GOLGA8T: variants seen among roughly 807,000 people sequenced by gnomAD.
GOLGA8T encodes golgin subfamily A member 8T.
A neutral mutation model predicts 52.0 loss-of-function variants in GOLGA8T; 17 were observed. The observed-to-expected ratio is 0.33, with a 90% CI of 0.22 to 0.49. The LOEUF (loss-of-function observed/expected upper bound fraction) is 0.49, where lower values mean the gene tolerates loss of function less well. GOLGA8T is among the 20% of genes least tolerant of loss of function. The pLI is 0.99. For missense variants in GOLGA8T, 154 were observed against 462.1 expected, an observed-to-expected ratio of 0.33 and a Z score of 6.11; for synonymous variants, 67 against 169.5, an observed-to-expected ratio of 0.40 and a Z score of 4.70.
In GOLGA8T at chr15:30,140,825, C is replaced by A. The variant is rs8030420; in HGVS notation, c.592-17C>A. ...CCAGGCTCTCCAGATTGAAACTTCTCACTCTTCACCATCCAGTTGTCCAGC... is the reference window on the plus strand; with the variant it reads ...CCAGGCTCTCCAGATTGAAACTTCTAACTCTTCACCATCCAGTTGTCCAGC... On this transcript the variant is annotated splice_polypyrimidine_tract_variant and intron_variant, in intron 8 of 18. Transcript: ENST00000569052. 6,873 of 1,519,068 alleles carry A rather than the reference C, an allele frequency of 4.5e-3. 319 individuals are homozygous for A. The African/African-American group carries it at 0.079, about 17-fold the overall frequency. The allele number at this position is 1,519,068 out of a possible 1,614,324, so 94.1% of individuals were successfully genotyped here.
At chr15:30,141,588 T>A (rs1430960661) in intron 11 of GOLGA8T, among the ~76,000 whole-genome samples, 163 bp downstream of exon 11, 1 of 124,460 alleles carries the variant, frequency 8.0e-6, no homozygotes, top group East Asian at 2.2e-4. Flanking sequence ...TGAGTCTCAG[T>A]GTCTCAGTGT....
chr15:30,140,771 C>A (rs1274568314), intron 8 of GOLGA8T, 71 bp from the exon 9 acceptor site: 1 of 1,182,540 alleles, frequency 8.5e-7, no homozygotes, highest in East Asian at 2.4e-5. Context: ...CTAGCCCTAG[C>A]CCTTTTAAGG....
chr15:30,136,821 G>C, intron 1 of GOLGA8T, 45 bp from the exon 2 acceptor site: 1 of 1,238,232 alleles, frequency 8.1e-7, no homozygotes, highest in South Asian at 1.5e-5. Context: ...TGTGGCTGTA[G>C]GGGCTGACGG....
chr15:30,137,016 CA>C (rs2057698708), intron 2 of GOLGA8T, 31 bp downstream of exon 2: 1 of 1,128,438 alleles, frequency 8.9e-7, no homozygotes, highest in African/African-American at 1.6e-5. Flanking sequence ...CTTCTGGGGA[CA>C]GGGGGCCCAA....
rs1257617876 is a variant in GOLGA8T, at chr15:30,148,677, G to T, written c.*3110G>T. Among the ~76,000 whole-genome samples the T allele has an allele frequency of 8.2e-5, 12 of 146,044 alleles. 1 individual carries two copies. Among genetic ancestry groups the T allele is most frequent in the African/African-American group, 3.2e-4 (12 of 37,784 alleles). On this transcript the variant is annotated 3_prime_UTR_variant, in exon 19 of 19. Transcript: ENST00000569052. ...AGAATGTGTCATGGAAATACTGAAA[G>T]ATTTTTCCCTAGAGTGGCCTTATTG...
Position 30,141,392 on chromosome 15 carries a change from G to C in GOLGA8T, c.841G>C (p.Glu281Gln). 6.5e-7 allele frequency: 1 copy of C among 1,541,938 alleles called. No individual in the cohort carries two copies. The highest frequency in any genetic ancestry group is 8.6e-7 in the Non-Finnish European group (1 of 1,157,838). ...QQDMRRVEEL[E>Q]RSLSKLKNQM... ...AGATATGCGTCGGGTAGAGGAGCTG[G>C]AGAGGAGCTTGTCCAAACTCAAAAA... is the stretch of plus-strand genomic sequence containing the variant. The change falls in exon 11 of 19, where the codon GAG becomes CAG. Residue 281 changes from glutamate (E) to glutamine (Q), a missense_variant. Physicochemically the swap from Glu to Gln is conservative, Grantham distance 29 (BLOSUM62 2). Around this residue, in one of 6 missense-constraint regions of GOLGA8T, gnomAD observed 56 missense variants for 134.2 expected, o/e 0.42. Coordinates refer to ENST00000569052, the MANE Select transcript of GOLGA8T (RefSeq NM_001355469.2).
At position 30,142,459 on chromosome 15, in the gene GOLGA8T, G is replaced by C. The variant is rs1197601750; in HGVS notation, c.1200+77G>C. 1.2e-4 allele frequency: 187 copies of C among 1,572,404 alleles called. 21 individuals carry two copies. Among genetic ancestry groups the C allele is most frequent in the Admixed American group, 9.0e-4 (51 of 56,432 alleles). ...AGCAGACTCTGGGGAGGGGAGGTAC[G>C]AGGCCAGAGGCAGCTTCCAGCCTGG... On this transcript the variant is annotated intron_variant, in intron 13 of 18. Coordinates refer to ENST00000569052, the MANE Select transcript of GOLGA8T (RefSeq NM_001355469.2).
In GOLGA8T at chr15:30,141,864, A is replaced by C; in HGVS notation, c.937A>C (p.Lys313Gln). 3.7e-6 allele frequency: 2 copies of C among 535,078 alleles called. No individual in the cohort carries two copies. The highest frequency in any genetic ancestry group is 6.1e-6 in the Non-Finnish European group (2 of 325,528). 33.1% of individuals were successfully genotyped at this position (535,078 alleles called of 1,614,324 possible). A position where few individuals can be genotyped will look rare whatever the true frequency, so the allele number is the denominator to read the frequency against. The change falls in exon 12 of 19, where the codon AAG (lysine) becomes CAG (glutamine). Residue 313 changes from lysine (K) to glutamine (Q), a missense_variant. By Grantham distance (53) the Lys-to-Gln change is moderately conservative (BLOSUM62 1). Transcript: ENST00000569052. ...TGAGGTGGAGCTGCAGCACCTGAGG[A>C]AGGAACTAGAGAGAGTGGCAGGAGA... ...PSEVELQHLR[K>Q]ELERVAGELQ...
In GOLGA8T at chr15:30,141,301, C is replaced by G. The variant is rs764070085; in HGVS notation, c.787-37C>G. On this transcript the variant is annotated intron_variant, in intron 10 of 18. Transcript: ENST00000569052. ...GGGCAGCCTGTCCAGCCACCAGCCC[C>G]TCTCTCCAAGGCCCTTTCCCCTTGT... is the stretch of plus-strand genomic sequence containing the variant. 6 of 1,551,980 alleles carry G rather than the reference C, an allele frequency of 3.9e-6. 1 individual carries two copies. Among genetic ancestry groups the G allele is most frequent in the Middle Eastern group, 1.9e-4 (1 of 5,332 alleles).
chr15:30,142,505 C>G (rs968730969), intron 13 of GOLGA8T, 123 bp downstream of exon 13: 20 of 1,512,312 alleles, frequency 1.3e-5, no homozygotes, highest in South Asian at 1.1e-4. Context: ...CCACAGCACC[C>G]CCCAGGGCAG....
Position 30,148,653 on chromosome 15 carries a change from G to C in GOLGA8T, c.*3086G>C, listed in dbSNP as rs2057847835. On this transcript the variant is annotated 3_prime_UTR_variant, in exon 19 of 19. Transcript: ENST00000569052. ...ACCAGTTTATGAATTATTGTAAACAGAATGTGTCATGGAAATACTGAAAGA... is the reference window on the plus strand; with the variant it reads ...ACCAGTTTATGAATTATTGTAAACACAATGTGTCATGGAAATACTGAAAGA... Among the ~76,000 whole-genome samples the C allele has an allele frequency of 6.9e-6, 1 of 145,174 alleles. No homozygotes were observed. Among genetic ancestry groups the C allele is most frequent in the Non-Finnish European group, 1.5e-5 (1 of 67,058 alleles).
At position 30,145,490 on chromosome 15, in the gene GOLGA8T, C is replaced by G. The variant is rs201978730; in HGVS notation, c.1819C>G (p.Gln607Glu). 0.13 allele frequency: 189,714 copies of G among 1,488,526 alleles called. 8,206 individuals are homozygous for G. The highest frequency in any genetic ancestry group is 0.14 in the Non-Finnish European group (154,422 of 1,105,812). The allele number at this position is 1,488,526 out of a possible 1,614,324, so 92.2% of individuals were successfully genotyped here. A position where few individuals can be genotyped will look rare whatever the true frequency, so the allele number is the denominator to read the frequency against. The change falls in exon 19 of 19, where the codon CAG (glutamine) becomes GAG (glutamate). Residue 607 changes from glutamine (Q) to glutamate (E), a missense_variant. Around this residue, in one of 6 missense-constraint regions of GOLGA8T, gnomAD observed 22 missense variants for 181.2 expected, o/e 0.12. Coordinates refer to ENST00000569052, the MANE Select transcript of GOLGA8T (RefSeq NM_001355469.2). ...PTAQPIVQDH[Q>E]EHPGLGSNCC... ...TGCACAGCCGATCGTGCAGGACCAC[C>G]AGGAGCACCCAGGCTTGGGCAGCAA... is the stretch of plus-strand genomic sequence containing the variant.
chr15:30,136,571 C>A (rs1194040892), intron 1 of GOLGA8T, among the ~76,000 whole-genome samples: 3 of 148,390 alleles, frequency 2.0e-5, no homozygotes, highest in African/African-American at 7.5e-5. Flanking sequence ...TTAATGTTTA[C>A]TTTTCTACCT....
At chr15:30,142,451 G>T (rs1256086575) in intron 13 of GOLGA8T, 69 bp downstream of exon 13, 1 of 1,578,192 alleles carries the variant, frequency 6.3e-7, no homozygotes, top group Non-Finnish European at 8.5e-7. Flanking sequence ...TCTGGGGAGG[G>T]GAGGTACGAG....
intron 13 of GOLGA8T, among the ~76,000 whole-genome samples, chr15:30,142,770 C>T (rs1357111708): frequency 3.8e-5 from 4 of 104,176 alleles, no homozygotes; most frequent in Non-Finnish European, 7.0e-5. Context: ...AACCTCATCT[C>T]TACTAAAATT....
chr15:30,141,441 C>T lies in GOLGA8T; in HGVS notation c.874+16C>T. ...AACCAGATGGGTAAGATGGGGCTGG[C>T]ATGACCTAGGAGCAGGACTGGCATC... On this transcript the variant is annotated intron_variant, in intron 11 of 18. Coordinates refer to ENST00000569052, the MANE Select transcript of GOLGA8T (RefSeq NM_001355469.2). 2 of 1,522,868 alleles carry T rather than the reference C, an allele frequency of 1.3e-6. No homozygotes were observed. The highest frequency in any genetic ancestry group is 1.2e-5 in the South Asian group (1 of 84,150). 94.3% of individuals were successfully genotyped at this position (1,522,868 alleles called of 1,614,324 possible). A position where few individuals can be genotyped will look rare whatever the true frequency, so the allele number is the denominator to read the frequency against.
In GOLGA8T at chr15:30,141,356, G is replaced by A. The variant is rs2057741691; in HGVS notation, c.805G>A (p.Glu269Lys). ...MSQEICTLKKEKQQDMRRVEE... is the reference protein window; with the variant it reads ...MSQEICTLKKKKQQDMRRVEE... Reference sequence around the variant, plus strand: ...TGGGCAGATTTGCACATTAAAGAAAGAGAAGCAGCAAGATATGCGTCGGGT... The same window carrying A: ...TGGGCAGATTTGCACATTAAAGAAAAAGAAGCAGCAAGATATGCGTCGGGT... Residue 269 changes from glutamate (E) to lysine (K), a missense_variant, in exon 11 of 19, where the codon GAG becomes AAG. By Grantham distance (56) the Glu-to-Lys change is moderately conservative. Around this residue, in one of 6 missense-constraint regions of GOLGA8T, gnomAD observed 56 missense variants for 134.2 expected, o/e 0.42. Transcript: ENST00000569052. 1.3e-6 allele frequency: 2 copies of A among 1,547,198 alleles called. No individual in the cohort carries two copies. Among genetic ancestry groups the A allele is most frequent in the Non-Finnish European group, 1.7e-6 (2 of 1,158,874 alleles).
intron 13 of GOLGA8T, 126 bp downstream of exon 13, chr15:30,142,508 C>A: frequency 6.6e-7 from 1 of 1,507,594 alleles, no homozygotes; most frequent in Admixed American, 2.0e-5. Flanking sequence ...CAGCACCCCC[C>A]AGGGCAGTCC....
At position 30,142,330 on chromosome 15, in the gene GOLGA8T, A is replaced by G. The variant is rs4042397; in HGVS notation, c.1148A>G (p.Asn383Ser). 57 of 1,542,040 alleles carry G rather than the reference A, an allele frequency of 3.7e-5. 3 individuals are homozygous for G. The highest frequency in any genetic ancestry group is 2.9e-4 in the South Asian group (25 of 87,470). Residue 383 changes from asparagine (N) to serine (S), a missense_variant, in exon 13 of 19, where the codon AAC (asparagine) becomes AGC (serine). By Grantham distance (46) the Asn-to-Ser change is conservative. Around this residue, in one of 6 missense-constraint regions of GOLGA8T, gnomAD observed 54 missense variants for 51.5 expected, o/e 1.05. Coordinates refer to ENST00000569052, the MANE Select transcript of GOLGA8T (RefSeq NM_001355469.2). The part of the protein sequence containing the change: ...VFEEPNNENK[N>S]ALQLEQQVKE... ...TCTGTCCAGAACAATGAGAACAAGA[A>G]CGCACTGCAGTTGGAGCAGCAAGTA...
Sources: allele counts gnomAD v4.1 joint callset (sites outside exome capture counted in the v4.1 genomes callset), GRCh38; gene constraint gnomAD v4.1.1; regional missense constraint gnomAD v4.1.1; transcripts MANE v1.5; gene names NCBI Gene and HGNC (gene_info 2026-07-23, HGNC 2026-07-21).